Variants in DLGAP1 observed in about 807,000 individuals in gnomAD.
DLGAP1 encodes disks large-associated protein 1.
Under a neutral mutation model 90.8 loss-of-function variants are expected in DLGAP1, and 11 were observed. The observed-to-expected ratio is 0.12, with a 90% confidence interval of 0.08 to 0.20. DLGAP1 has a LOEUF of 0.20. Ranked by LOEUF, DLGAP1 falls within the 10% of genes least tolerant of loss-of-function variation. The pLI, the probability that DLGAP1 is intolerant of heterozygous loss-of-function variation, is 1.00. For missense variants in DLGAP1, 1,050 were observed against 1,333.8 expected (o/e 0.79, Z 3.31); for synonymous variants, 558 against 540.7 (o/e 1.03, Z -0.44).
intron 6 of DLGAP1, among the ~76,000 whole-genome samples, chr18:3,741,088 T>TCACCAC (rs1568048256): frequency 2.2e-5 from 1 of 45,794 alleles, no homozygotes. Context: ...ACCATCACCA[T>TCACCAC]CACCACCACC....
chr18:3,554,705 G>T (rs1349208350), intron 9 of DLGAP1, among the ~76,000 whole-genome samples: 1 of 152,160 alleles, frequency 6.6e-6, no homozygotes, highest in African/African-American at 2.4e-5. Flanking sequence ...TTTTACTAAT[G>T]AGTTTTTAAC....
At chr18:3,741,189 CACCACCACCAA>C (rs1414101399) in intron 6 of DLGAP1, among the ~76,000 whole-genome samples, 15 of 108,202 alleles carry the variant, frequency 1.4e-4, no homozygotes, top group African/African-American at 3.6e-4. Flanking sequence ...CCACCACCAC[CACCACCACCAA>C]ATCACCACCA....
At chr18:4,444,275 A>G (rs964516273) in intron 1 of DLGAP1, among the ~76,000 whole-genome samples, 4 of 152,220 alleles carry the variant, frequency 2.6e-5, no homozygotes, top group African/African-American at 9.6e-5. Flanking sequence ...TTCTGAGCAC[A>G]GTAAATTAAA....
chr18:3,997,970 C>G (rs1430134038), intron 3 of DLGAP1, among the ~76,000 whole-genome samples: 2 of 151,960 alleles, frequency 1.3e-5, no homozygotes, highest in African/African-American at 4.8e-5. Flanking sequence ...ATACAGTAGA[C>G]CCAGGTACAT....
At position 4,088,360 on chromosome 18, in the gene DLGAP1, T is replaced by C. The variant is rs937799284; in HGVS notation, c.-159+62820A>G. On this transcript the variant is annotated intron_variant, in intron 2 of 12. Transcript: ENST00000315677. The stretch of plus-strand genomic sequence containing the variant: ...ATGCTACTACTTTTCCTTTAGACAG[T>C]CAACTATCTCATAGCATGACTAAAC... 4.6e-5 allele frequency among the ~76,000 whole-genome samples: 7 copies of C among 152,132 alleles called. 1 individual carries two copies. Among genetic ancestry groups the C allele is most frequent in the African/African-American group, 1.7e-4 (7 of 41,406 alleles).
intron 1 of DLGAP1, among the ~76,000 whole-genome samples, chr18:4,448,503 T>G (rs1411256407): frequency 6.6e-6 from 1 of 152,158 alleles, no homozygotes; most frequent in Admixed American, 6.5e-5. Context: ...TTCAATTATC[T>G]ATAAAGCACA....
intron 7 of DLGAP1, among the ~76,000 whole-genome samples, chr18:3,595,159 G>T (rs2056507412): frequency 3.3e-5 from 5 of 152,332 alleles, no homozygotes; most frequent in Admixed American, 2.0e-4. Context: ...AGCCACGCAG[G>T]AGGAGAGGGC....
At chr18:3,871,230 G>A (rs1032918104) in intron 4 of DLGAP1, among the ~76,000 whole-genome samples, 2 of 152,102 alleles carry the variant, frequency 1.3e-5, no homozygotes, top group African/African-American at 4.8e-5. Context: ...AAACTAAATT[G>A]GACTAAATAA....
At position 4,378,594 on chromosome 18, in the gene DLGAP1, G is replaced by A. The variant is rs1362477767; in HGVS notation, c.-267+76412C>T. 1.3e-5 allele frequency among the ~76,000 whole-genome samples: 2 copies of A among 152,076 alleles called. No individual in the cohort carries two copies. The highest frequency in any genetic ancestry group is 2.4e-5 in the African/African-American group (1 of 41,432). On this transcript the variant is annotated intron_variant, in intron 1 of 12. Coordinates refer to ENST00000315677, the MANE Select transcript of DLGAP1 (RefSeq NM_004746.4). The surrounding 1 kb of genome is among the most constrained non-coding windows in gnomAD (Gnocchi z 4.5). The stretch of plus-strand genomic sequence containing the variant: ...CAACAAATAAAATCAAGCTCTTAGA[G>A]TGCTTAAGAATCCATGGTGGGGAGG...
rs1013193367 is a variant in DLGAP1, at chr18:3,526,274, G to A, written c.2479+7920C>T. Among the ~76,000 whole-genome samples, 8 of 152,296 alleles carry A rather than the reference G, an allele frequency of 5.3e-5. 1 individual carries two copies. In the South Asian group the frequency reaches 1.7e-3, roughly 32 times the overall value. ...ATGAATTGCAGAACTCACAGATACA[G>A]CTTTGTCTGCCACCCACTGTTTCAC... On this transcript the variant is annotated intron_variant, in intron 10 of 12. Transcript: ENST00000315677. This position sits in a 1 kb window ranked among gnomAD's most constrained non-coding sequence, Gnocchi z 4.7.
intron 7 of DLGAP1, among the ~76,000 whole-genome samples, chr18:3,591,383 G>T (rs2056236444): frequency 6.6e-6 from 1 of 152,132 alleles, no homozygotes; most frequent in South Asian, 2.1e-4. Flanking sequence ...GGAAAGGCAT[G>T]TAGGATTAGA....
At chr18:3,574,909 G>A (rs11875610) in intron 8 of DLGAP1, among the ~76,000 whole-genome samples, 57,196 of 147,442 alleles carry the variant, frequency 0.39, 11,998 homozygotes, top group East Asian at 0.82. Flanking sequence ...CCACCTCCCG[G>A]GTTCACGCCA....
rs1277811694 is a variant in DLGAP1, at chr18:3,496,152, A to G, written c.*3033T>C. On this transcript the variant is annotated 3_prime_UTR_variant, in exon 13 of 13. Coordinates refer to ENST00000315677, the MANE Select transcript of DLGAP1 (RefSeq NM_004746.4). The stretch of plus-strand genomic sequence containing the variant: ...AAATAAGCCTATGAAATTCCAATTC[A>G]TAAAGCCATAAAAATGTTCCCACCC... 2.0e-5 allele frequency: 3 copies of G among 152,236 alleles called. No homozygotes were observed. The highest frequency in any genetic ancestry group is 4.4e-5 in the Non-Finnish European group (3 of 68,040). The allele number at this position is 152,236 out of a possible 1,614,324, so 9.4% of individuals were successfully genotyped here. A position where few individuals can be genotyped will look rare whatever the true frequency, so the allele number is the denominator to read the frequency against.
chr18:4,159,861 G>A lies in DLGAP1; in HGVS notation c.-266-8574C>T, dbSNP rs367815460. ...TTGTTTGTACTTTTTTTTGGTCTGC[G>A]TTCTTCTCTCTTATCCTTATATCTC... On this transcript the variant is annotated intron_variant, in intron 1 of 12. Transcript: ENST00000315677. 4.3e-4 allele frequency among the ~76,000 whole-genome samples: 66 copies of A among 152,080 alleles called. No individual in the cohort carries two copies. In the South Asian group the frequency reaches 4.4e-3, roughly 10 times the overall value.
intron 9 of DLGAP1, among the ~76,000 whole-genome samples, chr18:3,560,699 C>T (rs60096915): frequency 0.086 from 12,877 of 150,324 alleles, 1,234 homozygotes; most frequent in East Asian, 0.33. Context: ...TTTATCTAGT[C>T]GGATTAACAT....
Position 3,865,886 on chromosome 18 carries a change from G to C in DLGAP1, c.957+13226C>G, listed in dbSNP as rs114871438. On this transcript the variant is annotated intron_variant, in intron 4 of 12. Transcript: ENST00000315677. Reference sequence around the variant, plus strand: ...TAAAGTTCTTCTTACTCTCCTTCTTGTTCCCTTTACCCCATCTTCATCTTA... The same window carrying C: ...TAAAGTTCTTCTTACTCTCCTTCTTCTTCCCTTTACCCCATCTTCATCTTA... 8.7e-3 allele frequency among the ~76,000 whole-genome samples: 1,327 copies of C among 152,188 alleles called. 13 individuals are homozygous for C. Among genetic ancestry groups the C allele is most frequent in the African/African-American group, 0.03 (1,231 of 41,524 alleles).
At chr18:3,988,457 A>C (rs2073886801) in intron 3 of DLGAP1, among the ~76,000 whole-genome samples, 1 of 151,850 alleles carries the variant, frequency 6.6e-6, no homozygotes, top group African/African-American at 2.4e-5. Flanking sequence ...ATTTGCAGCC[A>C]CTCCCCAGTG....
At chr18:4,015,257 A>G (rs989462636) in intron 2 of DLGAP1, among the ~76,000 whole-genome samples, 5 of 152,164 alleles carry the variant, frequency 3.3e-5, no homozygotes, top group Non-Finnish European at 7.3e-5. Flanking sequence ...GGTTCTGTCC[A>G]TGATGAAAAA....
At chr18:3,852,962 T>C (rs1035365921) in intron 4 of DLGAP1, among the ~76,000 whole-genome samples, 2 of 152,102 alleles carry the variant, frequency 1.3e-5, no homozygotes, top group Non-Finnish European at 2.9e-5. Context: ...CTTTCTTAAA[T>C]GGCCCTTGTC....
Sources: allele counts gnomAD v4.1 joint callset (sites outside exome capture counted in the v4.1 genomes callset), GRCh38; gene constraint gnomAD v4.1.1; non-coding constraint Gnocchi (gnomAD v3.1); transcripts MANE v1.5; gene names NCBI Gene and HGNC (gene_info 2026-07-23, HGNC 2026-07-21).